GPC6: variants seen among roughly 807,000 people sequenced by gnomAD.
GPC6 encodes the protein glypican 6, also known as glypican-6.
A neutral mutation model predicts 55.2 loss-of-function variants in GPC6; 14 were observed. The ratio of observed to expected loss-of-function variants is 0.25; its 90% CI spans 0.17 to 0.40. GPC6 has a LOEUF of 0.40. GPC6 is among the 10% of genes least tolerant of loss of function. The pLI is 1.00. For missense variants in GPC6, 641 were observed against 708.5 expected, an observed-to-expected ratio of 0.90 and a Z score of 1.08; for synonymous variants, 278 against 259.6, an observed-to-expected ratio of 1.07 and a Z score of -0.68.
intron 4 of GPC6, among the ~76,000 whole-genome samples, chr13:94,097,319 G>A (rs991977248): frequency 4.6e-5 from 7 of 151,844 alleles, no homozygotes; most frequent in African/African-American, 1.7e-4. Context: ...TGGCTAACAC[G>A]GTGAAACCCC....
intron 3 of GPC6, among the ~76,000 whole-genome samples, chr13:93,986,018 A>G (rs9556345): frequency 0.5 from 75,277 of 151,810 alleles, 19,373 homozygotes; most frequent in African/African-American, 0.54. Context: ...GAATAATAAT[A>G]ATATTTTTTG....
At chr13:93,896,819 A>G (rs1876039440) in intron 3 of GPC6, among the ~76,000 whole-genome samples, 5 of 152,004 alleles carry the variant, frequency 3.3e-5, no homozygotes, top group African/African-American at 9.7e-5. Context: ...AAAACTGAGA[A>G]TTTTCCGTGA....
At chr13:94,301,266 A>C (rs1875634512) in intron 5 of GPC6, among the ~76,000 whole-genome samples, 1 of 152,152 alleles carries the variant, frequency 6.6e-6, no homozygotes, top group Non-Finnish European at 1.5e-5. Flanking sequence ...TGTGGTTGGC[A>C]TGCACCTGTG....
chr13:93,983,031 T>C (rs1023075409), intron 3 of GPC6, among the ~76,000 whole-genome samples: 6 of 152,182 alleles, frequency 3.9e-5, no homozygotes, highest in African/African-American at 1.4e-4. Flanking sequence ...GGAGTTTTTG[T>C]CGTTGAAAAG....
intron 7 of GPC6, among the ~76,000 whole-genome samples, chr13:94,394,650 T>A (rs1880817476): frequency 6.6e-6 from 1 of 152,022 alleles, no homozygotes; most frequent in African/African-American, 2.4e-5. Flanking sequence ...AATGGACATC[T>A]ATAGATTTAG....
At chr13:93,973,387 C>T (rs999560307) in intron 3 of GPC6, among the ~76,000 whole-genome samples, 5 of 152,134 alleles carry the variant, frequency 3.3e-5, no homozygotes, top group Admixed American at 6.5e-5. Context: ...TGCACATGAA[C>T]GTATTTCCAT....
At chr13:93,748,618 T>G (rs1329376525) in intron 2 of GPC6, among the ~76,000 whole-genome samples, 2 of 152,102 alleles carry the variant, frequency 1.3e-5, no homozygotes, top group Admixed American at 1.3e-4. Context: ...CATAATTAAG[T>G]CTTAAGAATT....
At chr13:94,100,176 T>C (rs1885805148) in intron 4 of GPC6, among the ~76,000 whole-genome samples, 1 of 152,304 alleles carries the variant, frequency 6.6e-6, no homozygotes, top group African/African-American at 2.4e-5. Flanking sequence ...ACAATCAGAC[T>C]CAAATAGGTT....
At chr13:93,382,747 C>A (rs1379986624) in intron 1 of GPC6, among the ~76,000 whole-genome samples, 3 of 152,172 alleles carry the variant, frequency 2.0e-5, no homozygotes, top group Non-Finnish European at 2.9e-5. Context: ...AAACAAATTA[C>A]ATTTTTATGT....
intron 2 of GPC6, among the ~76,000 whole-genome samples, chr13:93,595,871 A>G (rs1877704991): frequency 6.6e-6 from 1 of 152,196 alleles, no homozygotes; most frequent in Non-Finnish European, 1.5e-5. Flanking sequence ...GCCTGTTCCA[A>G]TGGATGACCG....
At chr13:94,299,075 A>G (rs1212095831) in intron 5 of GPC6, among the ~76,000 whole-genome samples, 1 of 152,246 alleles carries the variant, frequency 6.6e-6, no homozygotes, top group Non-Finnish European at 1.5e-5. Flanking sequence ...AACACATATC[A>G]TGTGCTGGTA....
chr13:94,281,320 G>A (rs562898622), intron 4 of GPC6, among the ~76,000 whole-genome samples: 134 of 152,158 alleles, frequency 8.8e-4, no homozygotes, highest in African/African-American at 3.1e-3. Flanking sequence ...CATGCATTAC[G>A]TATTTGTCCT....
chr13:94,367,051 T>C (rs139347570), intron 6 of GPC6, among the ~76,000 whole-genome samples: 1 of 152,328 alleles, frequency 6.6e-6, no homozygotes, highest in East Asian at 1.9e-4. Context: ...ATGACTTGGC[T>C]TAGGTCAAAG....
intron 2 of GPC6, among the ~76,000 whole-genome samples, chr13:93,560,202 A>G (rs1875700509): frequency 6.6e-6 from 1 of 152,148 alleles, no homozygotes; most frequent in South Asian, 2.1e-4. Context: ...TGAGGAAAGT[A>G]TTTTAAAAAA....
chr13:94,030,146 C>T (rs1463213142), intron 4 of GPC6, among the ~76,000 whole-genome samples: 2 of 152,000 alleles, frequency 1.3e-5, no homozygotes, highest in African/African-American at 4.8e-5. Flanking sequence ...GGAGCTGGGA[C>T]TACAGGCGCC....
intron 4 of GPC6, among the ~76,000 whole-genome samples, chr13:94,139,041 A>G (rs1887279728): frequency 6.6e-6 from 1 of 152,076 alleles, no homozygotes; most frequent in African/African-American, 2.4e-5. Context: ...AGGAGATGAC[A>G]CTGGAGCTGA....
At chr13:93,242,262 C>T (rs569637684) in intron 1 of GPC6, among the ~76,000 whole-genome samples, 3 of 152,142 alleles carry the variant, frequency 2.0e-5, no homozygotes, top group Non-Finnish European at 4.4e-5. Flanking sequence ...CTGAGGTCTT[C>T]ATAGGTGAAA....
intron 4 of GPC6, among the ~76,000 whole-genome samples, chr13:94,115,524 GAACA>G (rs1886405181): frequency 1.3e-5 from 2 of 152,106 alleles, no homozygotes; most frequent in Non-Finnish European, 2.9e-5. Flanking sequence ...TAGTCACAGA[GAACA>G]GACTCATTGA....
intron 1 of GPC6, among the ~76,000 whole-genome samples, chr13:93,262,675 A>T (rs1877190891): frequency 6.6e-6 from 1 of 152,222 alleles, no homozygotes; most frequent in African/African-American, 2.4e-5. Context: ...CTGGAAATGT[A>T]TTCCATTTCA....
Sources: allele counts gnomAD v4.1 joint callset (sites outside exome capture counted in the v4.1 genomes callset), GRCh38; gene constraint gnomAD v4.1.1; transcripts MANE v1.5; gene names NCBI Gene and HGNC (gene_info 2026-07-23, HGNC 2026-07-21).